DPP10: variants seen among roughly 807,000 people sequenced by gnomAD.
DPP10 encodes the protein inactive dipeptidyl peptidase 10.
Under a neutral mutation model 120.9 loss-of-function variants are expected in DPP10, and 33 were observed. That is an observed-to-expected ratio of 0.27 (90% CI 0.21 to 0.37). DPP10 has a LOEUF of 0.37. Among genes scored for constraint, DPP10 ranks in the 10% least tolerant of loss-of-function variants. The probability of loss-of-function intolerance (pLI) is 1.00; values close to 1 mark genes in which losing one functional copy is unlikely to be tolerated. For synonymous variants in DPP10, 337 were observed against 326.1 expected (o/e 1.03, Z -0.36); for missense variants, 816 against 942.8 (o/e 0.87, Z 1.76).
rs954227708 is a variant in DPP10 at position 115,766,138 on chromosome 2, C to CTACA, written c.1114-2140_1114-2137dup. ...CCTATGGGGCTTACATTACAGAGAA[C>CTACA]TACATACATACATACATACATAAGT... On this transcript the variant is annotated intron_variant, in intron 12 of 25. Transcript: ENST00000410059. 8.6e-5 allele frequency among the ~76,000 whole-genome samples: 13 copies of CTACA among 151,338 alleles called. No individual in the cohort carries two copies. The South Asian group carries it at 1.0e-3, about 12-fold the overall frequency.
chr2:115,686,393 A>G (rs1272476301), intron 5 of DPP10, among the ~76,000 whole-genome samples: 8 of 152,062 alleles, frequency 5.3e-5, no homozygotes, highest in African/African-American at 1.4e-4. Flanking sequence ...AGAAACAAAT[A>G]TGAAGTAGGT....
chr2:114,742,969 C>T (rs1678212902), intron 1 of DPP10, among the ~76,000 whole-genome samples: 1 of 152,132 alleles, frequency 6.6e-6, no homozygotes, highest in Admixed American at 6.5e-5. Context: ...ATGCATTGAG[C>T]TAAATGGAAG....
chr2:114,834,730 TCTACGCAC>T lies in DPP10; in HGVS notation c.60+391896_60+391903del, dbSNP rs1473939730. On this transcript the variant is annotated intron_variant, in intron 1 of 25. Transcript: ENST00000410059. ...CACACCTATGTATATATAAGCCATGTCTACGCACCTATGTATATATAAGCCATGTCTAC... is the reference window on the plus strand; with the variant it reads ...CACACCTATGTATATATAAGCCATGTCTATGTATATATAAGCCATGTCTAC... Among the ~76,000 whole-genome samples, 27 of 138,246 alleles carry T rather than the reference TCTACGCAC, an allele frequency of 2.0e-4. 4 individuals carry two copies. Among genetic ancestry groups the T allele is most frequent in the African/African-American group, 5.9e-4 (23 of 39,018 alleles). The allele number at this position is 138,246 out of a possible 152,430, so 90.7% of individuals were successfully genotyped here.
chr2:114,844,336 G>A (rs1273211487), intron 1 of DPP10, among the ~76,000 whole-genome samples: 1 of 151,866 alleles, frequency 6.6e-6, no homozygotes, highest in Non-Finnish European at 1.5e-5. Flanking sequence ...TAAGACGACA[G>A]CGGTCAGAAT....
At chr2:115,150,334 G>C (rs915827548) in intron 1 of DPP10, among the ~76,000 whole-genome samples, 5 of 152,106 alleles carry the variant, frequency 3.3e-5, no homozygotes, top group Non-Finnish European at 5.9e-5. Context: ...TTCAATTTCA[G>C]GGCTATTTTC....
intron 1 of DPP10, among the ~76,000 whole-genome samples, chr2:114,493,794 AGAAAG>A (rs1189313471): frequency 1.3e-5 from 2 of 152,172 alleles, no homozygotes; most frequent in Non-Finnish European, 2.9e-5. Context: ...GCAAGAGAAA[AGAAAG>A]GTAAACACTG....
chr2:115,586,714 G>A (rs2082310728), intron 5 of DPP10, among the ~76,000 whole-genome samples: 1 of 151,526 alleles, frequency 6.6e-6, no homozygotes, highest in South Asian at 2.1e-4. Context: ...TTACTTGTTT[G>A]CCAATCCTAT....
At chr2:115,103,531 T>C (rs948501373) in intron 1 of DPP10, among the ~76,000 whole-genome samples, 5 of 152,156 alleles carry the variant, frequency 3.3e-5, no homozygotes, top group Non-Finnish European at 5.9e-5. Flanking sequence ...AGATTTTGGC[T>C]CCACCATCTC....
intron 5 of DPP10, among the ~76,000 whole-genome samples, chr2:115,554,350 A>T (rs777667540): frequency 1.3e-5 from 2 of 151,848 alleles, no homozygotes; most frequent in African/African-American, 4.8e-5. Flanking sequence ...ACTGTCCCCC[A>T]CCAAGACATC....
At chr2:115,179,434 T>G (rs1166068495) in intron 1 of DPP10, among the ~76,000 whole-genome samples, 2 of 152,156 alleles carry the variant, frequency 1.3e-5, no homozygotes, top group East Asian at 3.9e-4. Context: ...GTGCTTACGT[T>G]TTCTTATATA....
chr2:114,863,915 G>T (rs1049060389), intron 1 of DPP10, among the ~76,000 whole-genome samples: 2 of 152,122 alleles, frequency 1.3e-5, no homozygotes, highest in Admixed American at 6.5e-5. Context: ...CCTCCAAGTC[G>T]AGCCTGTGTC....
chr2:115,383,199 G>A (rs371831549), intron 3 of DPP10, among the ~76,000 whole-genome samples: 11 of 152,258 alleles, frequency 7.2e-5, no homozygotes, highest in African/African-American at 2.2e-4. Context: ...TTGAATCCCC[G>A]TGTGTTGTGG....
In DPP10 at chr2:114,617,132, G is replaced by A. The variant is rs537416390; in HGVS notation, c.60+174294G>A. ...TACAAAAAGAAAAAGTGACAAAGGAGTGGAAAAAACCATATTACAATGCAA... is the reference window on the plus strand; with the variant it reads ...TACAAAAAGAAAAAGTGACAAAGGAATGGAAAAAACCATATTACAATGCAA... On this transcript the variant is annotated intron_variant, in intron 1 of 25. Transcript: ENST00000410059. 3.8e-3 allele frequency among the ~76,000 whole-genome samples: 575 copies of A among 152,168 alleles called. 5 individuals are homozygous for A. The highest frequency in any genetic ancestry group is 6.8e-3 in the Middle Eastern group (2 of 294).
intron 1 of DPP10, among the ~76,000 whole-genome samples, chr2:115,160,083 A>G (rs759884546): frequency 6.6e-6 from 1 of 152,218 alleles, no homozygotes. Flanking sequence ...ATGTGAGGGA[A>G]TATCTATATT....
At chr2:114,629,916 G>A (rs1231445697) in intron 1 of DPP10, among the ~76,000 whole-genome samples, 1 of 152,030 alleles carries the variant, frequency 6.6e-6, no homozygotes, top group African/African-American at 2.4e-5. Flanking sequence ...CTATGAGATA[G>A]CCATGAAAAT....
intron 1 of DPP10, among the ~76,000 whole-genome samples, chr2:114,782,314 AGT>A (rs951972573): frequency 3.4e-5 from 5 of 148,582 alleles, no homozygotes; most frequent in African/African-American, 1.3e-4. Context: ...TCTTACCTCC[AGT>A]GAAACCTGTG....
intron 5 of DPP10, among the ~76,000 whole-genome samples, chr2:115,658,040 A>G (rs2088554107): frequency 6.6e-6 from 1 of 151,998 alleles, no homozygotes; most frequent in Non-Finnish European, 1.5e-5. Context: ...ATTTAATGTG[A>G]CAATAATGTG....
intron 1 of DPP10, among the ~76,000 whole-genome samples, chr2:114,693,367 G>C (rs938282145): frequency 1.3e-5 from 2 of 151,818 alleles, no homozygotes; most frequent in Non-Finnish European, 2.9e-5. Context: ...GAAGTTCTAG[G>C]CTGGAAATTA....
At chr2:115,625,177 G>C (rs1389024380) in intron 5 of DPP10, among the ~76,000 whole-genome samples, 1 of 152,134 alleles carries the variant, frequency 6.6e-6, no homozygotes, top group African/African-American at 2.4e-5. Flanking sequence ...ATATGGATAG[G>C]TGATGTGGTA....
Sources: gnomAD v4.1 joint callset for allele counts (sites outside exome capture counted in the v4.1 genomes callset) on GRCh38, gnomAD v4.1.1 for gene constraint, MANE v1.5 for transcripts, NCBI Gene and HGNC (gene_info 2026-07-23, HGNC 2026-07-21) for gene names.